Variants in FBXO9 observed in about 807,000 individuals in gnomAD.
FBXO9 encodes the protein F-box protein 9, also known as F-box only protein 9.
FBXO9 carries 43 observed loss-of-function variants against 63.7 expected under a neutral mutation model. That is an observed-to-expected ratio of 0.67 (90% confidence interval 0.53 to 0.87). The LOEUF (loss-of-function observed/expected upper bound fraction) is 0.87. Ranked by LOEUF, FBXO9 falls within the 40% of genes least tolerant of loss-of-function variation. The pLI, the probability that FBXO9 is intolerant of heterozygous loss-of-function variation, is 0.00. For synonymous variants in FBXO9, 156 were observed against 171.7 expected (o/e 0.91, Z 0.72); for missense variants, 442 against 533.2 (o/e 0.83, Z 1.68).
chr6:53,069,629 C>T (rs900819489), intron 1 of FBXO9, among the ~76,000 whole-genome samples: 1 of 152,194 alleles, frequency 6.6e-6, no homozygotes. Flanking sequence ...TTTATTGACA[C>T]CTCAGCAAAA....
intron 5 of FBXO9, among the ~76,000 whole-genome samples, chr6:53,080,704 A>AAAATT (rs373804294): frequency 1.3e-5 from 2 of 152,218 alleles, no homozygotes; most frequent in African/African-American, 4.8e-5. Flanking sequence ...ACTTTACAAT[A>AAAATT]AAATTAGTTA....
intron 7 of FBXO9, 138 bp from the exon 8 acceptor site, chr6:53,092,291 T>C (rs1763062081): frequency 9.5e-6 from 6 of 634,582 alleles, no homozygotes; most frequent in Admixed American, 3.0e-5. Flanking sequence ...CTTTGCCTTG[T>C]CCATTAGTTT....
chr6:53,089,861 A>G (rs896731771), intron 7 of FBXO9, among the ~76,000 whole-genome samples: 6 of 152,182 alleles, frequency 3.9e-5, no homozygotes, highest in Non-Finnish European at 8.8e-5. Context: ...TCAAGTAAGT[A>G]CTGCACACTG....
intron 3 of FBXO9, among the ~76,000 whole-genome samples, chr6:53,075,610 A>C (rs1769068953): frequency 6.7e-6 from 1 of 148,886 alleles, no homozygotes; most frequent in African/African-American, 2.5e-5. Flanking sequence ...TTTAATTTGC[A>C]TTTCTCTAAT....
At chr6:53,079,291 G>C in intron 5 of FBXO9, among the ~76,000 whole-genome samples, 5 of 152,056 alleles carry the variant, frequency 3.3e-5, no homozygotes, top group Admixed American at 3.3e-4. Context: ...ATGGGTACAT[G>C]GGAGTTTATT....
At chr6:53,085,296 T>C (rs990671022) in intron 7 of FBXO9, among the ~76,000 whole-genome samples, 2 of 152,214 alleles carry the variant, frequency 1.3e-5, no homozygotes, top group African/African-American at 4.8e-5. Flanking sequence ...ATTTAGTCCA[T>C]TGATCTTAAA....
chr6:53,077,461 A>G (rs535931253), intron 4 of FBXO9, among the ~76,000 whole-genome samples: 2 of 112,508 alleles, frequency 1.8e-5, no homozygotes, highest in South Asian at 7.0e-4. Context: ...CGACAGAGCG[A>G]GACTCCGTCT....
At chr6:53,086,986 C>T (rs10456666) in intron 7 of FBXO9, among the ~76,000 whole-genome samples, 21,507 of 151,972 alleles carry the variant, frequency 0.14, 2,028 homozygotes, top group Middle Eastern at 0.21. Context: ...CTGCAGTGAG[C>T]TATGATCATG....
At chr6:53,077,184 T>C (rs1769140976) in intron 4 of FBXO9, among the ~76,000 whole-genome samples, 1 of 152,084 alleles carries the variant, frequency 6.6e-6, no homozygotes, top group Admixed American at 6.5e-5. Flanking sequence ...AACAGAAATA[T>C]GTGGTAATGG....
At chr6:53,071,482 T>C (rs1307938386) in intron 2 of FBXO9, among the ~76,000 whole-genome samples, 2 of 152,132 alleles carry the variant, frequency 1.3e-5, no homozygotes, top group African/African-American at 4.8e-5. Flanking sequence ...TTAAGAGAAA[T>C]AGCCAGCTGG....
chr6:53,092,575 GA>G (rs976418134), intron 8 of FBXO9, 28 bp downstream of exon 8: 9 of 1,562,564 alleles, frequency 5.8e-6, no homozygotes, highest in Non-Finnish European at 7.9e-6. Flanking sequence ...GAACTCAGCA[GA>G]AATACTGATC....
intron 7 of FBXO9, among the ~76,000 whole-genome samples, chr6:53,083,431 A>G (rs1233547100): frequency 6.6e-6 from 1 of 152,218 alleles, no homozygotes; most frequent in African/African-American, 2.4e-5. Context: ...TCTAAAAGAC[A>G]TTTATTTGAG....
intron 1 of FBXO9, among the ~76,000 whole-genome samples, chr6:53,070,584 A>G (rs1346649372): frequency 6.6e-6 from 1 of 152,208 alleles, no homozygotes; most frequent in Non-Finnish European, 1.5e-5. Context: ...ATACTACAAG[A>G]ACTATTTACA....
At chr6:53,086,837 G>A (rs963872820) in intron 7 of FBXO9, among the ~76,000 whole-genome samples, 1 of 152,182 alleles carries the variant, frequency 6.6e-6, no homozygotes, top group African/African-American at 2.4e-5. Context: ...GGAGGCCAAG[G>A]TAGGAGGATT....
At chr6:53,095,037 T>C (rs1359198692) in intron 11 of FBXO9, among the ~76,000 whole-genome samples, 1 of 152,220 alleles carries the variant, frequency 6.6e-6, no homozygotes, top group Non-Finnish European at 1.5e-5. Context: ...TGTTTGCTCA[T>C]TTATTTTACT....
chr6:53,082,982 G>C (rs575435252), intron 7 of FBXO9, among the ~76,000 whole-genome samples: 45 of 152,242 alleles, frequency 3.0e-4, no homozygotes, highest in African/African-American at 1.0e-3. Flanking sequence ...AACAGCACTA[G>C]CATTTTCTTA....
intron 4 of FBXO9, among the ~76,000 whole-genome samples, chr6:53,077,200 C>T (rs1192612427): frequency 6.6e-6 from 1 of 152,032 alleles, no homozygotes; most frequent in Non-Finnish European, 1.5e-5. Flanking sequence ...AATGGCCGGG[C>T]GCGGTGGCTC....
intron 7 of FBXO9, among the ~76,000 whole-genome samples, chr6:53,088,920 T>G: frequency 6.7e-6 from 1 of 150,178 alleles, no homozygotes; most frequent in East Asian, 2.0e-4. Context: ...TTTTCTTTCT[T>G]TCTTTGTTTT....
chr6:53,073,000 G>A (rs1768973823), intron 2 of FBXO9, among the ~76,000 whole-genome samples: 1 of 152,168 alleles, frequency 6.6e-6, no homozygotes, highest in Non-Finnish European at 1.5e-5. Context: ...TGGGATTATA[G>A]GCATGAGCCT....
Sources: allele counts gnomAD v4.1 joint callset (sites outside exome capture counted in the v4.1 genomes callset), GRCh38; gene constraint gnomAD v4.1.1; transcripts MANE v1.5; gene names NCBI Gene and HGNC (gene_info 2026-07-23, HGNC 2026-07-21).